Variants in SEMA5A observed in about 807,000 individuals in gnomAD.
The protein encoded by SEMA5A is semaphorin 5A.
SEMA5A carries 55 observed loss-of-function variants against 135.5 expected under a neutral mutation model. The observed-to-expected ratio is 0.41, with a 90% confidence interval of 0.33 to 0.51. The LOEUF is 0.51. SEMA5A is among the 20% of genes least tolerant of loss of function. The pLI, the probability that SEMA5A is intolerant of heterozygous loss-of-function variation, is 0.37. For synonymous variants in SEMA5A, 580 were observed against 546.5 expected (o/e 1.06, Z -0.85); for missense variants, 1,290 against 1,419.9 (o/e 0.91, Z 1.47).
intron 20 of SEMA5A, among the ~76,000 whole-genome samples, chr5:9,051,655 G>T (rs1379129168): frequency 6.6e-6 from 1 of 152,134 alleles, no homozygotes; most frequent in Non-Finnish European, 1.5e-5. Context: ...AACTGCAAAA[G>T]ACACTTTTCC....
chr5:9,392,697 T>C (rs1235036260), intron 2 of SEMA5A, among the ~76,000 whole-genome samples: 1 of 152,232 alleles, frequency 6.6e-6, no homozygotes, highest in Non-Finnish European at 1.5e-5. Context: ...GATTTTATTT[T>C]GTTCTCTTGC....
chr5:9,308,215 C>T (rs984542614), intron 5 of SEMA5A, among the ~76,000 whole-genome samples: 1 of 152,176 alleles, frequency 6.6e-6, no homozygotes, highest in Admixed American at 6.5e-5. Flanking sequence ...CACTGTATCC[C>T]TGGCTGCTGT....
At chr5:9,511,114 T>C (rs1736181246) in intron 1 of SEMA5A, among the ~76,000 whole-genome samples, 1 of 152,198 alleles carries the variant, frequency 6.6e-6, no homozygotes, top group African/African-American at 2.4e-5. Context: ...CATATACTCA[T>C]TCAAACCCTA....
At chr5:9,450,260 A>G (rs1400236713) in intron 1 of SEMA5A, among the ~76,000 whole-genome samples, 3 of 152,212 alleles carry the variant, frequency 2.0e-5, no homozygotes, top group South Asian at 2.1e-4. Flanking sequence ...CCGGTGGCCA[A>G]TAGGGACCAA....
chr5:9,097,455 A>G (rs1044522460), intron 16 of SEMA5A, among the ~76,000 whole-genome samples: 1 of 152,230 alleles, frequency 6.6e-6, no homozygotes, highest in Admixed American at 6.5e-5. Context: ...TAAGGAGATG[A>G]CAATATCTTT....
At chr5:9,245,188 C>A (rs1275784968) in intron 5 of SEMA5A, among the ~76,000 whole-genome samples, 3 of 152,114 alleles carry the variant, frequency 2.0e-5, no homozygotes, top group Non-Finnish European at 4.4e-5. Flanking sequence ...CCACCCTGCT[C>A]CATCCTGCCT....
chr5:9,125,570 C>T (rs1021729224), intron 13 of SEMA5A, among the ~76,000 whole-genome samples: 2 of 152,042 alleles, frequency 1.3e-5, no homozygotes, highest in South Asian at 2.1e-4. Flanking sequence ...TGTTCAACTC[C>T]CATTTATGAG....
chr5:9,328,315 C>T (rs1016290361), intron 4 of SEMA5A, among the ~76,000 whole-genome samples: 5 of 152,254 alleles, frequency 3.3e-5, no homozygotes, highest in African/African-American at 1.2e-4. Flanking sequence ...GCTCCAAATT[C>T]TGCAAGTTCT....
At chr5:9,531,380 G>A (rs1399252762) in intron 1 of SEMA5A, among the ~76,000 whole-genome samples, 2 of 152,174 alleles carry the variant, frequency 1.3e-5, no homozygotes, top group Non-Finnish European at 2.9e-5. Flanking sequence ...GACAGATGTG[G>A]CTGTGTACCC....
chr5:9,332,596 G>A (rs538099198), intron 4 of SEMA5A, among the ~76,000 whole-genome samples: 8 of 151,300 alleles, frequency 5.3e-5, no homozygotes, highest in South Asian at 4.2e-4. Flanking sequence ...GGTGTGCAAC[G>A]TGTGAAGTTG....
In SEMA5A at chr5:9,036,386, G is replaced by A. The variant is rs1490659963; in HGVS notation, c.*6511C>T. The stretch of plus-strand genomic sequence containing the variant: ...ATAAACTTAAAAATAATCAGGCAAT[G>A]TTGTAGGTGGTTCTCATTCCATGCT... On this transcript the variant is annotated 3_prime_UTR_variant, in exon 23 of 23. Coordinates refer to ENST00000382496, the MANE Select transcript of SEMA5A (RefSeq NM_003966.3). 1 of 151,066 alleles carries A rather than the reference G, an allele frequency of 6.6e-6. No homozygotes were observed. 9.4% of individuals were successfully genotyped at this position (151,066 alleles called of 1,614,324 possible).
rs7712843 is a variant in SEMA5A, at chr5:9,187,521, A to T, written c.1273+2746T>A. 2.6e-3 allele frequency among the ~76,000 whole-genome samples: 393 copies of T among 152,274 alleles called. 2 individuals are homozygous for T. The highest frequency in any genetic ancestry group is 9.0e-3 in the African/African-American group (376 of 41,566). On this transcript the variant is annotated intron_variant, in intron 11 of 22. Transcript: ENST00000382496. ...GTATCTATGGCTGTTTTCTGCTGGA[A>T]AGTACCTTCACCCACTACAAAGTTC...
chr5:9,448,525 T>A lies in SEMA5A; in HGVS notation c.-174-10673A>T, dbSNP rs79049737. Among the ~76,000 whole-genome samples, 1,499 of 152,292 alleles carry A rather than the reference T, an allele frequency of 9.8e-3. 25 individuals are homozygous for A. The highest frequency in any genetic ancestry group is 0.033 in the African/African-American group (1,388 of 41,546). The stretch of plus-strand genomic sequence containing the variant: ...TCATCTGTCAAGACAACTCCTCCCC[T>A]CCCTTTGTGGAATTAACAGTATTAA... On this transcript the variant is annotated intron_variant, in intron 1 of 22. Coordinates refer to ENST00000382496, the MANE Select transcript of SEMA5A (RefSeq NM_003966.3).
At chr5:9,528,481 G>A (rs766762329) in intron 1 of SEMA5A, among the ~76,000 whole-genome samples, 5 of 152,150 alleles carry the variant, frequency 3.3e-5, no homozygotes, top group Non-Finnish European at 7.3e-5. Context: ...GCCTGTCCAT[G>A]GGCACTCTCT....
intron 15 of SEMA5A, among the ~76,000 whole-genome samples, chr5:9,114,626 T>C (rs1479165421): frequency 6.6e-6 from 1 of 152,178 alleles, no homozygotes; most frequent in Non-Finnish European, 1.5e-5. Context: ...TTGAATTACA[T>C]AGCTAAGGAA....
intron 1 of SEMA5A, among the ~76,000 whole-genome samples, chr5:9,494,689 G>A (rs1735212993): frequency 6.6e-6 from 1 of 150,696 alleles, no homozygotes; most frequent in East Asian, 2.0e-4. Context: ...TTTTAATTCT[G>A]TGCAAAATCA....
chr5:9,141,398 G>A (rs567212871), intron 12 of SEMA5A, among the ~76,000 whole-genome samples: 7 of 151,968 alleles, frequency 4.6e-5, no homozygotes, highest in Non-Finnish European at 1.0e-4. Context: ...GCATCATTTT[G>A]TACCCCATAA....
intron 8 of SEMA5A, among the ~76,000 whole-genome samples, chr5:9,220,622 G>T (rs964781526): frequency 2.0e-5 from 3 of 152,232 alleles, no homozygotes; most frequent in African/African-American, 7.2e-5. Flanking sequence ...TGGGCAGAAG[G>T]AAGGGATTGA....
In SEMA5A at chr5:9,162,303, G is replaced by A. The variant is rs1306934407; in HGVS notation, c.1274-7608C>T. 2.0e-5 allele frequency among the ~76,000 whole-genome samples: 3 copies of A among 151,734 alleles called. No individual in the cohort carries two copies. The East Asian group carries it at 5.8e-4, about 29-fold the overall frequency. On this transcript the variant is annotated intron_variant, in intron 11 of 22. Transcript: ENST00000382496. ...ATTAAAGCAAGTGCAAATCACAGGGGAAATCAGATGTATTTATTCCTAAAT... is the reference window on the plus strand; with the variant it reads ...ATTAAAGCAAGTGCAAATCACAGGGAAAATCAGATGTATTTATTCCTAAAT...
Sources: gnomAD v4.1 joint callset for allele counts (sites outside exome capture counted in the v4.1 genomes callset) on GRCh38, gnomAD v4.1.1 for gene constraint, MANE v1.5 for transcripts, NCBI Gene and HGNC (gene_info 2026-07-23, HGNC 2026-07-21) for gene names.